The following CDH17 variants were observed in gnomAD, a reference collection of about 807,000 sequenced individuals.
CDH17 encodes the protein cadherin 17.
In CDH17, 67 loss-of-function variants were observed where a neutral mutation model predicts 86.3. The ratio of observed to expected loss-of-function variants is 0.78; its 90% confidence interval spans 0.64 to 0.95. CDH17 has a LOEUF of 0.95. Among genes scored for constraint, CDH17 ranks in the 40% least tolerant of loss-of-function variants. The pLI is 0.00. For missense variants in CDH17, 993 were observed against 1,017.6 expected, an observed-to-expected ratio of 0.98 and a Z score of 0.33; for synonymous variants, 367 against 366.4, an observed-to-expected ratio of 1.00 and a Z score of -0.02.
rs1231079324 is a variant in CDH17, at chr8:94,127,213, T to C, written c.*1027A>G. On this transcript the variant is annotated 3_prime_UTR_variant, in exon 18 of 18. Coordinates refer to ENST00000027335, the MANE Select transcript of CDH17 (RefSeq NM_004063.4). ...GTGTTTATTCTTGATTTGTCACCAC[T>C]CTTTTCATGTCTTGTTTTCTTCCAC... 6.6e-6 allele frequency: 1 copy of C among 152,236 alleles called. No homozygotes were observed. Among genetic ancestry groups the C allele is most frequent in the Non-Finnish European group, 1.5e-5 (1 of 68,040 alleles). 9.4% of individuals were successfully genotyped at this position (152,236 alleles called of 1,614,324 possible).
chr8:94,213,584 AT>A (rs11301876), intron 1 of CDH17, among the ~76,000 whole-genome samples: 88,182 of 151,178 alleles, frequency 0.58, 27,102 homozygotes, highest in Non-Finnish European at 0.71. Context: ...AATGACCATC[AT>A]TCTTATTGGT....
intron 10 of CDH17, 127 bp downstream of exon 10, chr8:94,165,634 C>A: frequency 1.4e-6 from 1 of 710,122 alleles, no homozygotes; most frequent in Non-Finnish European, 2.5e-6. Context: ...ATGTGTGTTT[C>A]ACAAAGGAAG....
At chr8:94,167,857 C>G (rs938610849) in intron 9 of CDH17, among the ~76,000 whole-genome samples, 3 of 151,844 alleles carry the variant, frequency 2.0e-5, no homozygotes, top group Non-Finnish European at 4.4e-5. Context: ...AAAACCATGT[C>G]TCTGAGTGAC....
chr8:94,159,151 T>G (rs1370554273), intron 12 of CDH17, among the ~76,000 whole-genome samples: 1 of 152,018 alleles, frequency 6.6e-6, no homozygotes, highest in African/African-American at 2.4e-5. Context: ...TAAACACAGA[T>G]GAGGCAGCCA....
At chr8:94,209,105 A>G (rs866708247), upstream of CDH17, among the ~76,000 whole-genome samples, 1 of 152,336 alleles carries the variant, frequency 6.6e-6, no homozygotes, top group African/African-American at 2.4e-5. Context: ...AAAGTCTGCA[A>G]GAAACAACCG....
intron 12 of CDH17, among the ~76,000 whole-genome samples, chr8:94,155,446 C>T (rs1358120434): frequency 5.3e-5 from 8 of 152,042 alleles, no homozygotes; most frequent in African/African-American, 7.3e-5. Context: ...CAGCAAAGTC[C>T]GGGCCCAGGC....
At chr8:94,130,387 A>G (rs569329070) in intron 17 of CDH17, among the ~76,000 whole-genome samples, 37 of 152,318 alleles carry the variant, frequency 2.4e-4, no homozygotes, top group African/African-American at 8.7e-4. Context: ...ATGACAATTG[A>G]TGACCATAAA....
At chr8:94,164,554 T>A (rs1219468217) in intron 10 of CDH17, among the ~76,000 whole-genome samples, 1 of 152,202 alleles carries the variant, frequency 6.6e-6, no homozygotes, top group Non-Finnish European at 1.5e-5. Flanking sequence ...GGCCTTAATA[T>A]TTGTCAAATT....
At chr8:94,166,021 A>G (rs1813147740) in intron 9 of CDH17, 45 bp from the exon 10 acceptor site, 3 of 1,152,992 alleles carry the variant, frequency 2.6e-6, no homozygotes, top group Non-Finnish European at 3.9e-6. Context: ...CAGGCTCCAC[A>G]TAATCTATTA....
At chr8:94,141,336 A>G (rs1812634593) in intron 15 of CDH17, among the ~76,000 whole-genome samples, 1 of 150,934 alleles carries the variant, frequency 6.6e-6, no homozygotes, top group Admixed American at 6.6e-5. Context: ...GACGACCTAC[A>G]ATAAAAAACC....
chr8:94,135,771 T>A (rs967140187), intron 15 of CDH17, among the ~76,000 whole-genome samples: 4 of 152,238 alleles, frequency 2.6e-5, no homozygotes, highest in Non-Finnish European at 4.4e-5. Context: ...CAATTTGGCA[T>A]GTTTTTGCAG....
Position 94,194,623 on chromosome 8 carries a change from C to G in CDH17, c.51+12G>C. ...TAGTAAACAAATAGAGAAGAACACC[C>G]TCTTCTCTTACCAAATAAAGCATAA... On this transcript the variant is annotated intron_variant, in intron 2 of 17. Transcript: ENST00000027335. 1.3e-6 allele frequency: 2 copies of G among 1,558,740 alleles called. No individual in the cohort carries two copies. The highest frequency in any genetic ancestry group is 1.8e-6 in the Non-Finnish European group (2 of 1,131,540).
chr8:94,195,337 T>C (rs969266355), intron 1 of CDH17, among the ~76,000 whole-genome samples: 1 of 152,112 alleles, frequency 6.6e-6, no homozygotes, highest in Non-Finnish European at 1.5e-5. Context: ...GGAGAAGATG[T>C]ATTTTGGCAG....
chr8:94,198,508 G>A (rs576064554), intron 1 of CDH17, among the ~76,000 whole-genome samples: 7 of 152,190 alleles, frequency 4.6e-5, no homozygotes, highest in South Asian at 4.2e-4. Flanking sequence ...AAATGTACAC[G>A]GTCAGCTATC....
At chr8:94,199,079 ATATATTTTT>A (rs1449899451) in intron 1 of CDH17, among the ~76,000 whole-genome samples, 26 of 8,868 alleles carry the variant, frequency 2.9e-3, no homozygotes, top group Non-Finnish European at 7.4e-3. Context: ...ATATATATAT[ATATATTTTT>A]TTTTTTTTAT....
chr8:94,200,537 GTTTTTTT>G (rs10600702), intron 1 of CDH17, among the ~76,000 whole-genome samples: 10 of 56,912 alleles, frequency 1.8e-4, no homozygotes, highest in Admixed American at 1.5e-3. Flanking sequence ...ATTATCTTTT[GTTTTTTT>G]TTTTTTTTTT....
chr8:94,184,680 T>C (rs1350509147), intron 3 of CDH17, among the ~76,000 whole-genome samples: 1 of 152,078 alleles, frequency 6.6e-6, no homozygotes. Context: ...TTTTAGATAC[T>C]AAAAACTACT....
intron 3 of CDH17, among the ~76,000 whole-genome samples, chr8:94,182,445 A>G (rs1021202693): frequency 6.6e-6 from 1 of 152,190 alleles, no homozygotes; most frequent in Non-Finnish European, 1.5e-5. Context: ...AAATTATACC[A>G]GAATACAAAG....
chr8:94,129,739 G>A (rs967887258), intron 17 of CDH17, among the ~76,000 whole-genome samples: 8 of 152,042 alleles, frequency 5.3e-5, no homozygotes, highest in African/African-American at 1.9e-4. Flanking sequence ...AACTTTTGGG[G>A]TACCAACTTG....
Sources: gnomAD v4.1 joint callset for allele counts (sites outside exome capture counted in the v4.1 genomes callset) on GRCh38, gnomAD v4.1.1 for gene constraint, MANE v1.5 for transcripts, NCBI Gene and HGNC (gene_info 2026-07-23, HGNC 2026-07-21) for gene names.